Variants in CAMTA1 observed in about 807,000 individuals in gnomAD.
CAMTA1 encodes calmodulin binding transcription activator 1.
CAMTA1 carries 27 observed loss-of-function variants against 170.9 expected under a neutral mutation model. The observed-to-expected ratio is 0.16, with a 90% CI of 0.12 to 0.22. The LOEUF (loss-of-function observed/expected upper bound fraction) is 0.22, where lower values mean the gene tolerates loss of function less well. CAMTA1 is among the 10% of genes least tolerant of loss of function. CAMTA1 has a pLI of 1.00. For missense variants in CAMTA1, 1,619 were observed against 2,217.2 expected, an observed-to-expected ratio of 0.73 and a Z score of 5.42; for synonymous variants, 833 against 891.5, an observed-to-expected ratio of 0.93 and a Z score of 1.17.
At chr1:6,911,420 GGAGA>G (rs951058697) in intron 3 of CAMTA1, among the ~76,000 whole-genome samples, 2 of 152,198 alleles carry the variant, frequency 1.3e-5, no homozygotes, top group African/African-American at 4.8e-5. Context: ...TCGTCAACAC[GGAGA>G]GAGAGATATG....
intron 3 of CAMTA1, among the ~76,000 whole-genome samples, chr1:7,036,463 T>C (rs1384805938): frequency 6.6e-6 from 1 of 152,252 alleles, no homozygotes; most frequent in East Asian, 1.9e-4. Context: ...CCTCACCTAG[T>C]TTCATATTCA....
chr1:7,566,401 A>G (rs2095042837), intron 6 of CAMTA1, among the ~76,000 whole-genome samples: 1 of 152,220 alleles, frequency 6.6e-6, no homozygotes, highest in African/African-American at 2.4e-5. Flanking sequence ...ACTCGTAATA[A>G]ACATTTATTA....
intron 7 of CAMTA1, among the ~76,000 whole-genome samples, chr1:7,654,916 AC>A (rs1156795622): frequency 6.9e-6 from 1 of 145,682 alleles, no homozygotes; most frequent in Non-Finnish European, 1.5e-5. Flanking sequence ...CCACAAACAC[AC>A]CCATCTATAC....
At chr1:6,883,656 A>G (rs1340915111) in intron 3 of CAMTA1, among the ~76,000 whole-genome samples, 1 of 152,108 alleles carries the variant, frequency 6.6e-6, no homozygotes, top group Non-Finnish European at 1.5e-5. Context: ...AGTGGATTCA[A>G]GGAATAGGAT....
At chr1:7,270,272 C>CATATATATATATATAT (rs1669557202) in intron 5 of CAMTA1, among the ~76,000 whole-genome samples, 1 of 36,512 alleles carries the variant, frequency 2.7e-5, no homozygotes, top group African/African-American at 8.9e-5. Context: ...CACACACACA[C>CATATATATATATATAT]ACATATATAT....
At chr1:7,168,280 A>C (rs1022577681) in intron 4 of CAMTA1, among the ~76,000 whole-genome samples, 2 of 152,222 alleles carry the variant, frequency 1.3e-5, no homozygotes, top group South Asian at 4.1e-4. Flanking sequence ...CACTCAATGA[A>C]TATTGAGAGT....
intron 4 of CAMTA1, chr1:7,142,005 G>T: frequency 2.1e-6 from 1 of 469,036 alleles, no homozygotes. Context: ...CTTTTTTCCT[G>T]ATGTCTTGGC....
At chr1:7,436,816 G>A (rs538940524) in intron 5 of CAMTA1, among the ~76,000 whole-genome samples, 92 of 152,224 alleles carry the variant, frequency 6.0e-4, no homozygotes, top group African/African-American at 2.1e-3. Context: ...CGGATGCAGA[G>A]GTAGAATGCA....
chr1:7,263,391 C>T (rs1025856741), intron 5 of CAMTA1, among the ~76,000 whole-genome samples: 1 of 152,204 alleles, frequency 6.6e-6, no homozygotes, highest in African/African-American at 2.4e-5. Context: ...GCAATTGTTA[C>T]ACTTACTTTA....
At chr1:7,162,645 G>T (rs999568786) in intron 4 of CAMTA1, among the ~76,000 whole-genome samples, 1 of 152,160 alleles carries the variant, frequency 6.6e-6, no homozygotes, top group Non-Finnish European at 1.5e-5. Flanking sequence ...TAAGTACTTT[G>T]TTCCTTTCTA....
At chr1:7,129,164 ATAAGGT>A (rs1645105630) in intron 4 of CAMTA1, among the ~76,000 whole-genome samples, 1 of 152,058 alleles carries the variant, frequency 6.6e-6, no homozygotes, top group Admixed American at 6.5e-5. Flanking sequence ...GAAGAAGACT[ATAAGGT>A]CACTTGCCCA....
chr1:7,271,206 T>C lies in CAMTA1; in HGVS notation c.438+21580T>C, dbSNP rs559740997. Among the ~76,000 whole-genome samples the C allele has an allele frequency of 2.0e-4, 30 of 152,226 alleles. No homozygotes were observed. The South Asian group carries it at 6.2e-3, about 32-fold the overall frequency. ...CATTTAAGAAGAGACACCAGAGAGC[T>C]CACTCTCTCTGTGAGCACAGACCGA... On this transcript the variant is annotated intron_variant, in intron 5 of 22. Transcript: ENST00000303635.
At chr1:7,339,416 C>A (rs1256589392) in intron 5 of CAMTA1, among the ~76,000 whole-genome samples, 1 of 152,176 alleles carries the variant, frequency 6.6e-6, no homozygotes, top group Non-Finnish European at 1.5e-5. Flanking sequence ...CATCATTTTT[C>A]AGATGAGTGT....
At chr1:7,735,322 C>G (rs1201291853) in intron 12 of CAMTA1, among the ~76,000 whole-genome samples, 1 of 151,880 alleles carries the variant, frequency 6.6e-6, no homozygotes. Context: ...ATGGTGAAAC[C>G]CTATCTCCGC....
intron 5 of CAMTA1, among the ~76,000 whole-genome samples, chr1:7,279,630 C>T (rs1671224795): frequency 6.6e-6 from 1 of 152,168 alleles, no homozygotes; most frequent in African/African-American, 2.4e-5. Flanking sequence ...GAGATAACCT[C>T]CTGGCCTCCG....
At position 7,132,899 on chromosome 1, in the gene CAMTA1, G is replaced by A. The variant is rs185157933; in HGVS notation, c.302+41528G>A. 1.8e-3 allele frequency among the ~76,000 whole-genome samples: 277 copies of A among 151,814 alleles called. 1 individual carries two copies. Among genetic ancestry groups the A allele is most frequent in the Middle Eastern group, 3.4e-3 (1 of 294 alleles). ...TTTTTGTCTTTTAGTTTGTTAATAGGGTAAATTACCTTAATTGATTTTCAA... is the reference window on the plus strand; with the variant it reads ...TTTTTGTCTTTTAGTTTGTTAATAGAGTAAATTACCTTAATTGATTTTCAA... On this transcript the variant is annotated intron_variant, in intron 4 of 22. Transcript: ENST00000303635.
chr1:6,800,800 T>C (rs1643688180), intron 1 of CAMTA1, among the ~76,000 whole-genome samples: 1 of 152,204 alleles, frequency 6.6e-6, no homozygotes, highest in Admixed American at 6.5e-5. Context: ...GGGCCTCCTA[T>C]AGGCCTCGCG....
At position 7,264,693 on chromosome 1, in the gene CAMTA1, A is replaced by G. The variant is rs74052202; in HGVS notation, c.438+15067A>G. Among the ~76,000 whole-genome samples, 58 of 152,372 alleles carry G rather than the reference A, an allele frequency of 3.8e-4. 1 individual carries two copies. Among genetic ancestry groups the G allele is most frequent in the African/African-American group, 1.4e-3 (57 of 41,588 alleles). The stretch of plus-strand genomic sequence containing the variant: ...TGCGGCAGCGTTAGTTAATTTACAT[A>G]AATTATACAACTCATTATCTTTGTT... On this transcript the variant is annotated intron_variant, in intron 5 of 22. Transcript: ENST00000303635.
intron 5 of CAMTA1, among the ~76,000 whole-genome samples, chr1:7,421,921 G>A (rs144797333): frequency 6.6e-6 from 1 of 152,150 alleles, no homozygotes; most frequent in Non-Finnish European, 1.5e-5. Context: ...GTTGCTCTGT[G>A]TGGCATCTGT....
Sources: allele counts gnomAD v4.1 joint callset (sites outside exome capture counted in the v4.1 genomes callset), GRCh38; gene constraint gnomAD v4.1.1; transcripts MANE v1.5; gene names NCBI Gene and HGNC (gene_info 2026-07-23, HGNC 2026-07-21).